TMPRSS15: variants seen among roughly 807,000 people sequenced by gnomAD.
TMPRSS15 encodes the protein enteropeptidase.
TMPRSS15 carries 128 observed loss-of-function variants against 125.3 expected under a neutral mutation model. The observed-to-expected ratio is 1.02, with a 90% confidence interval of 0.89 to 1.18. TMPRSS15 has a LOEUF of 1.18. TMPRSS15 is among the 50% of genes most tolerant of loss of function. The probability of loss-of-function intolerance (pLI) is 0.00; values close to 1 mark genes in which losing one functional copy is unlikely to be tolerated. For missense variants in TMPRSS15, 1,283 were observed against 1,212.7 expected, an observed-to-expected ratio of 1.06 and a Z score of -0.86; for synonymous variants, 446 against 423.2, an observed-to-expected ratio of 1.05 and a Z score of -0.66.
chr21:18,444,336 A>T (rs1201770829), intron 1 of TMPRSS15, among the ~76,000 whole-genome samples: 2 of 152,244 alleles, frequency 1.3e-5, no homozygotes, highest in Non-Finnish European at 2.9e-5. Context: ...CTTTACAGGG[A>T]CATGGTTGAA....
intron 6 of TMPRSS15, among the ~76,000 whole-genome samples, chr21:18,369,479 G>A (rs1014562649): frequency 9.9e-5 from 15 of 152,110 alleles, no homozygotes; most frequent in African/African-American, 3.6e-4. Context: ...ATCAGAAGAC[G>A]AAAACAATTT....
chr21:18,443,734 G>A (rs187234303), intron 1 of TMPRSS15, among the ~76,000 whole-genome samples: 1 of 152,210 alleles, frequency 6.6e-6, no homozygotes, highest in South Asian at 2.1e-4. Context: ...TCAGCCAGTG[G>A]CTGCAGCCTC....
chr21:18,477,977 A>C (rs1320101848), intron 1 of TMPRSS15, among the ~76,000 whole-genome samples: 2 of 152,052 alleles, frequency 1.3e-5, no homozygotes, highest in African/African-American at 2.4e-5. Flanking sequence ...GCAAAAGTAA[A>C]TAATGGCCAT....
rs1569004075 is a variant in TMPRSS15 at position 18,317,799 on chromosome 21, CA to C, written c.1922-2544del. Among the ~76,000 whole-genome samples, 498 of 113,550 alleles carry C rather than the reference CA, an allele frequency of 4.4e-3. 13 individuals are homozygous for C. The highest frequency in any genetic ancestry group is 8.5e-3 in the Middle Eastern group (2 of 236). 74.5% of individuals were successfully genotyped at this position (113,550 alleles called of 152,430 possible). ...CATCCCATCCCATCCCATCCCATCC[CA>C]TCCCATCCCATCCCATTCTATCCTA... On this transcript the variant is annotated intron_variant, in intron 16 of 24. Coordinates refer to ENST00000284885, the MANE Select transcript of TMPRSS15 (RefSeq NM_002772.3).
intron 1 of TMPRSS15, among the ~76,000 whole-genome samples, chr21:18,466,724 C>T (rs541420683): frequency 6.6e-6 from 1 of 152,110 alleles, no homozygotes; most frequent in Non-Finnish European, 1.5e-5. Flanking sequence ...TCATCTCACA[C>T]CAGTTAGAAT....
chr21:18,343,898 G>A, intron 11 of TMPRSS15, 57 bp downstream of exon 11: 1 of 1,492,088 alleles, frequency 6.7e-7, no homozygotes, highest in Non-Finnish European at 9.4e-7. Context: ...GGTGGCCTGA[G>A]CAAGGCAATG....
chr21:18,387,394 T>C (rs2075953096), intron 3 of TMPRSS15, among the ~76,000 whole-genome samples: 1 of 152,290 alleles, frequency 6.6e-6, no homozygotes, highest in Non-Finnish European at 1.5e-5. Context: ...GGCTGCTGAG[T>C]AAACAAGTCT....
At chr21:18,282,216 T>C (rs905212643) in intron 21 of TMPRSS15, among the ~76,000 whole-genome samples, 11 of 151,838 alleles carry the variant, frequency 7.2e-5, no homozygotes, top group Admixed American at 6.6e-4. Context: ...TAATAATTGG[T>C]AAAGGATAAC....
At chr21:18,319,670 C>A (rs2075214065) in intron 16 of TMPRSS15, among the ~76,000 whole-genome samples, 1 of 152,180 alleles carries the variant, frequency 6.6e-6, no homozygotes, top group African/African-American at 2.4e-5. Context: ...CTCAGGTGAT[C>A]TGGCCGCCTC....
At chr21:18,436,413 T>C (rs1351896310) in intron 1 of TMPRSS15, among the ~76,000 whole-genome samples, 1 of 152,130 alleles carries the variant, frequency 6.6e-6, no homozygotes, top group African/African-American at 2.4e-5. Flanking sequence ...CAGGAGCAGG[T>C]TGTTCAGTTT....
rs1316103967 is a variant in TMPRSS15, at chr21:18,424,097, G to A, written c.11-25768C>T. On this transcript the variant is annotated intron_variant, in intron 1 of 7. Transcript: ENST00000422787. ...GCTTTCACACGGTCTCAAAAGAAAA[G>A]CCATTTTCTTTTCATCTGAAAACAA... Among the ~76,000 whole-genome samples the A allele has an allele frequency of 2.6e-5, 4 of 152,108 alleles. No homozygotes were observed. The East Asian group carries it at 7.7e-4, about 29-fold the overall frequency.
intron 3 of TMPRSS15, among the ~76,000 whole-genome samples, chr21:18,388,734 A>G (rs149020581): frequency 1.3e-5 from 2 of 152,324 alleles, no homozygotes; most frequent in Non-Finnish European, 2.9e-5. Context: ...TTCATTCACC[A>G]CAACGTAGAC....
At chr21:18,358,859 T>C (rs539903870) in intron 8 of TMPRSS15, among the ~76,000 whole-genome samples, 1 of 152,220 alleles carries the variant, frequency 6.6e-6, no homozygotes, top group South Asian at 2.1e-4. Context: ...TCTCAAATCA[T>C]TAAATCTGTA....
At chr21:18,455,566 A>G (rs1978425119) in intron 1 of TMPRSS15, among the ~76,000 whole-genome samples, 1 of 152,168 alleles carries the variant, frequency 6.6e-6, no homozygotes, top group Non-Finnish European at 1.5e-5. Flanking sequence ...AGATGTGGGA[A>G]TTATATATTT....
At chr21:18,290,771 T>C (rs1420372362) in intron 21 of TMPRSS15, among the ~76,000 whole-genome samples, 1 of 152,140 alleles carries the variant, frequency 6.6e-6, no homozygotes, top group Non-Finnish European at 1.5e-5. Flanking sequence ...GTGTCCTGTT[T>C]TTAGTAAAAA....
chr21:18,307,058 C>A (rs1248159781), intron 18 of TMPRSS15, among the ~76,000 whole-genome samples: 1 of 152,120 alleles, frequency 6.6e-6, no homozygotes, highest in Non-Finnish European at 1.5e-5. Flanking sequence ...AAATTACTTT[C>A]TACTGCAGCA....
At chr21:18,332,023 G>C in intron 14 of TMPRSS15, 61 bp downstream of exon 14, 1 of 1,423,972 alleles carries the variant, frequency 7.0e-7, no homozygotes, top group South Asian at 1.1e-5. Context: ...GCTGCGTCAA[G>C]GGGAGATCTA....
intron 21 of TMPRSS15, among the ~76,000 whole-genome samples, chr21:18,284,632 T>C (rs923128710): frequency 1.3e-5 from 2 of 152,150 alleles, no homozygotes; most frequent in South Asian, 4.1e-4. Flanking sequence ...GGAAGAGCTA[T>C]AGCGCTGAAG....
chr21:18,284,887 G>A (rs2074744076), intron 21 of TMPRSS15, among the ~76,000 whole-genome samples: 2 of 152,050 alleles, frequency 1.3e-5, no homozygotes, highest in Non-Finnish European at 2.9e-5. Context: ...TGTAATCCCA[G>A]CTACTCAGGA....
Sources: allele counts gnomAD v4.1 joint callset (sites outside exome capture counted in the v4.1 genomes callset), GRCh38; gene constraint gnomAD v4.1.1; transcripts MANE v1.5; gene names NCBI Gene and HGNC (gene_info 2026-07-23, HGNC 2026-07-21).